The following FHIP2A variants were observed in gnomAD, a reference collection of about 807,000 sequenced individuals.
The protein encoded by FHIP2A is FHF complex subunit HOOK interacting protein 2A, also known as family with sequence similarity 160 member B1.
In FHIP2A, 46 loss-of-function variants were observed where a neutral mutation model predicts 93.5. That is an observed-to-expected ratio of 0.49 (90% CI 0.39 to 0.63). FHIP2A has a LOEUF of 0.63. Ranked by LOEUF, FHIP2A falls within the 20% of genes least tolerant of loss-of-function variation. The pLI, the probability that FHIP2A is intolerant of heterozygous loss-of-function variation, is 0.00. For synonymous variants in FHIP2A, 332 were observed against 326.5 expected (o/e 1.02, Z -0.18); for missense variants, 769 against 909.7 (o/e 0.85, Z 1.99).
intron 1 of FHIP2A, among the ~76,000 whole-genome samples, chr10:114,829,244 A>G (rs2083594405): frequency 6.6e-6 from 1 of 151,404 alleles, no homozygotes; most frequent in Non-Finnish European, 1.5e-5. Context: ...TGGCTTATTC[A>G]TGAACTTTCT....
chr10:114,878,133 G>A (rs1315915854), intron 16 of FHIP2A, among the ~76,000 whole-genome samples: 1 of 151,990 alleles, frequency 6.6e-6, no homozygotes, highest in Non-Finnish European at 1.5e-5. Flanking sequence ...TTTCTAATCT[G>A]TGAGGTCTAC....
Position 114,861,570 on chromosome 10 carries a change from G to T in FHIP2A, c.*30G>T. ...CATCTTTCATGTAACTGGGGGAACA[G>T]AACTACTGTGTACATTTCACCAAAA... On this transcript the variant is annotated 3_prime_UTR_variant, in exon 17 of 17. Coordinates refer to ENST00000369248, the MANE Select transcript of FHIP2A (RefSeq NM_020940.4). 1.2e-6 allele frequency: 2 copies of T among 1,608,398 alleles called. No individual in the cohort carries two copies. Among genetic ancestry groups the T allele is most frequent in the South Asian group, 2.2e-5 (2 of 90,220 alleles).
chr10:114,886,511 G>A (rs1431455949), intron 16 of FHIP2A, among the ~76,000 whole-genome samples: 1 of 151,114 alleles, frequency 6.6e-6, no homozygotes, highest in African/African-American at 2.5e-5. Context: ...AGATAATTCT[G>A]CAAAGTAGAT....
intron 1 of FHIP2A, among the ~76,000 whole-genome samples, chr10:114,824,594 T>C (rs1449672142): frequency 2.6e-5 from 4 of 152,308 alleles, no homozygotes; most frequent in African/African-American, 7.2e-5. Context: ...AACCTTTTTT[T>C]CCCCCCTTTT....
At chr10:114,842,901 G>A (rs117288904) in intron 5 of FHIP2A, 32 bp from the exon 6 acceptor site, 47,596 of 1,431,086 alleles carry the variant, frequency 0.033, 1,062 homozygotes, top group Middle Eastern at 0.048. Context: ...AGTTATTGAT[G>A]TGAATTTTAT....
intron 16 of FHIP2A, among the ~76,000 whole-genome samples, chr10:114,898,159 TCTTTG>T (rs1444369012): frequency 6.6e-6 from 1 of 152,214 alleles, no homozygotes; most frequent in East Asian, 1.9e-4. Context: ...TTTTCAGTTC[TCTTTG>T]TTGTTCTGCT....
At chr10:114,844,619 A>T (rs2083689189) in intron 7 of FHIP2A, among the ~76,000 whole-genome samples, 1 of 152,178 alleles carries the variant, frequency 6.6e-6, no homozygotes, top group East Asian at 1.9e-4. Flanking sequence ...GAAGAGAAGT[A>T]GTCCACTCGC....
In FHIP2A at chr10:114,843,956, A is replaced by G. The variant is rs1355637507; in HGVS notation, c.1013+19A>G. On this transcript the variant is annotated intron_variant, in intron 7 of 16. Coordinates refer to ENST00000369248, the MANE Select transcript of FHIP2A (RefSeq NM_020940.4). Reference sequence around the variant, plus strand: ...ACTGGGGGTAAGCACCGTTACTTGTATTTTCCCATAAAGGTGACTTCTTAA... The same window carrying G: ...ACTGGGGGTAAGCACCGTTACTTGTGTTTTCCCATAAAGGTGACTTCTTAA... 2 of 1,530,426 alleles carry G rather than the reference A, an allele frequency of 1.3e-6. No individual in the cohort carries two copies. Among genetic ancestry groups the G allele is most frequent in the Non-Finnish European group, 1.7e-6 (2 of 1,144,726 alleles). The allele number at this position is 1,530,426 out of a possible 1,614,324, so 94.8% of individuals were successfully genotyped here. A position where few individuals can be genotyped will look rare whatever the true frequency, so the allele number is the denominator to read the frequency against.
chr10:114,861,666 A>G lies in FHIP2A; in HGVS notation c.*126A>G. 6.9e-7 allele frequency: 1 copy of G among 1,439,082 alleles called. No homozygotes were observed. The highest frequency in any genetic ancestry group is 9.1e-7 in the Non-Finnish European group (1 of 1,103,220). 89.1% of individuals were successfully genotyped at this position (1,439,082 alleles called of 1,614,324 possible). A position where few individuals can be genotyped will look rare whatever the true frequency, so the allele number is the denominator to read the frequency against. ...AACGCAGTATTGCTGTAAACTGGAC[A>G]GAACCATTAAGAACCTATTGAGTGG... is the stretch of plus-strand genomic sequence containing the variant. On this transcript the variant is annotated 3_prime_UTR_variant, in exon 17 of 17. Transcript: ENST00000369248.
intron 5 of FHIP2A, among the ~76,000 whole-genome samples, chr10:114,836,483 C>CTGT (rs1411642479): frequency 8.5e-5 from 13 of 152,264 alleles, no homozygotes; most frequent in African/African-American, 2.6e-4. Flanking sequence ...GATACAAAGT[C>CTGT]ATGGCTTAAA....
Position 114,892,525 on chromosome 10 carries a change from C to T in FHIP2A, c.2193-6965C>T, listed in dbSNP as rs150620195. The stretch of plus-strand genomic sequence containing the variant: ...AGGTGGCGGGCACCTGCAGTACCAG[C>T]TACTTGGGAGGCTGAGGCAGGAGAA... On this transcript the variant is annotated intron_variant, in intron 16 of 16. Transcript: ENST00000369250. 6.7e-3 allele frequency among the ~76,000 whole-genome samples: 1,019 copies of T among 152,202 alleles called. 13 individuals are homozygous for T. The highest frequency in any genetic ancestry group is 0.024 in the African/African-American group (976 of 41,510).
intron 1 of FHIP2A, among the ~76,000 whole-genome samples, chr10:114,829,035 C>T (rs1402060298): frequency 6.6e-6 from 1 of 151,986 alleles, no homozygotes; most frequent in Non-Finnish European, 1.5e-5. Flanking sequence ...CTCAGGACAC[C>T]AAGAAATCAA....
chr10:114,846,402 T>C (rs2083701384), intron 10 of FHIP2A, 35 bp downstream of exon 10: 1 of 1,549,404 alleles, frequency 6.5e-7, no homozygotes, highest in African/African-American at 1.4e-5. Flanking sequence ...TGGACTTAGA[T>C]TCTTTGAAAT....
intron 16 of FHIP2A, among the ~76,000 whole-genome samples, chr10:114,873,184 C>G (rs1302392002): frequency 1.3e-5 from 2 of 152,162 alleles, no homozygotes; most frequent in African/African-American, 4.8e-5. Flanking sequence ...TGCAGCTGTT[C>G]TTAAGAGTTT....
chr10:114,888,827 C>T lies in FHIP2A; in HGVS notation c.2193-10663C>T, dbSNP rs553931971. On this transcript the variant is annotated intron_variant, in intron 16 of 16. Transcript: ENST00000369250. ...TATGTTGGCCAGGCTGATCTTGAAC[C>T]CCTGAGCTCAAGTGATCTGCCCACC... Among the ~76,000 whole-genome samples the T allele has an allele frequency of 1.1e-4, 16 of 152,068 alleles. No individual in the cohort carries two copies. In the South Asian group the frequency reaches 3.1e-3, roughly 30 times the overall value.
Position 114,843,167 on chromosome 10 carries a change from G to T in FHIP2A, c.757G>T (p.Val253Phe), listed in dbSNP as rs759746552. The part of the protein sequence containing the change: ...SVTSLPEASV[V>F]CPNQDYNLVN... ...CACCTCACTGCCAGAGGCCTCGGTT[G>T]TTTGTCCAAATCAGGATTACAATTT... Residue 253 changes from valine to phenylalanine, a missense_variant, in exon 6 of 17, where the codon GTT becomes TTT. By Grantham distance (50) the Val-to-Phe change is conservative (BLOSUM62 -1). Transcript: ENST00000369248. 6.2e-7 allele frequency: 1 copy of T among 1,613,996 alleles called. No individual in the cohort carries two copies. Among genetic ancestry groups the T allele is most frequent in the South Asian group, 1.1e-5 (1 of 91,070 alleles).
intron 10 of FHIP2A, 47 bp downstream of exon 10, chr10:114,846,414 C>CT (rs3834423): frequency 0.46 from 711,875 of 1,538,906 alleles, 168,805 homozygotes; most frequent in Non-Finnish European, 0.49. Flanking sequence ...CTTTGAAATA[C>CT]GGTTTTAATG....
chr10:114,880,785 G>A (rs1258857782), intron 16 of FHIP2A, among the ~76,000 whole-genome samples: 2 of 150,776 alleles, frequency 1.3e-5, no homozygotes, highest in South Asian at 2.1e-4. Flanking sequence ...GAAGCACTCC[G>A]AGTGATTCTG....
At position 114,846,000 on chromosome 10, in the gene FHIP2A, T is replaced by A; in HGVS notation, c.1129-13T>A. ...ATATTAAAAAAAAAAATGATGTTCC[T>A]ACTATATTCTAGACTGCTGCTGTTG... On this transcript the variant is annotated splice_polypyrimidine_tract_variant and intron_variant, in intron 8 of 16. Coordinates refer to ENST00000369248, the MANE Select transcript of FHIP2A (RefSeq NM_020940.4). 1 of 1,588,236 alleles carries A rather than the reference T, an allele frequency of 6.3e-7. No homozygotes were observed.
Sources: allele counts gnomAD v4.1 joint callset (sites outside exome capture counted in the v4.1 genomes callset), GRCh38; gene constraint gnomAD v4.1.1; transcripts MANE v1.5; gene names NCBI Gene and HGNC (gene_info 2026-07-23, HGNC 2026-07-21).